CSNK1G3: variants seen among roughly 807,000 people sequenced by gnomAD.
The protein encoded by CSNK1G3 is casein kinase I isoform gamma-3.
In CSNK1G3, 23 loss-of-function variants were observed where a neutral mutation model predicts 64.3. The ratio of observed to expected loss-of-function variants is 0.36; its 90% confidence interval spans 0.26 to 0.51. CSNK1G3 has a LOEUF of 0.51. CSNK1G3 is among the 20% of genes least tolerant of loss of function. The pLI is 0.96. For synonymous variants in CSNK1G3, 158 were observed against 162.2 expected (o/e 0.97, Z 0.20); for missense variants, 357 against 510.5 (o/e 0.70, Z 2.90).
At chr5:123,565,108 A>G (rs1786579640) in intron 4 of CSNK1G3, among the ~76,000 whole-genome samples, 1 of 152,208 alleles carries the variant, frequency 6.6e-6, no homozygotes, top group Non-Finnish European at 1.5e-5. Context: ...ACTTTCCAAA[A>G]CAGAAAAAAT....
At chr5:123,551,017 A>G (rs1783536063) in intron 2 of CSNK1G3, among the ~76,000 whole-genome samples, 3 of 152,224 alleles carry the variant, frequency 2.0e-5, no homozygotes, top group Admixed American at 1.3e-4. Context: ...CAACAAAAAT[A>G]GTACTTTTAG....
At chr5:123,576,381 T>C (rs1297952595) in intron 6 of CSNK1G3, among the ~76,000 whole-genome samples, 1 of 152,164 alleles carries the variant, frequency 6.6e-6, no homozygotes, top group Non-Finnish European at 1.5e-5. Flanking sequence ...ATAAGTATAA[T>C]GCTAACAGCA....
rs571857961 is a variant in CSNK1G3 at position 123,524,391 on chromosome 5, A to G, written c.-248+11821A>G. On this transcript the variant is annotated intron_variant, in intron 1 of 12. Transcript: ENST00000345990. ...TTACATAATTTTACCTTTGCACATG[A>G]TAACTTCATGCCAAAGCGCCTACAG... Among the ~76,000 whole-genome samples, 22 of 152,328 alleles carry G rather than the reference A, an allele frequency of 1.4e-4. No individual in the cohort carries two copies. In the South Asian group the frequency reaches 1.9e-3, roughly 13 times the overall value.
rs574014849 is a variant in CSNK1G3 at position 123,572,476 on chromosome 5, A to T, written c.290-917A>T. On this transcript the variant is annotated intron_variant, in intron 4 of 12. Transcript: ENST00000345990. ...TTAAGATGAAAGACTTTATTATCTC[A>T]CAATTTCTATGGGTCAGGAATACGG... Among the ~76,000 whole-genome samples the T allele has an allele frequency of 2.6e-5, 4 of 152,254 alleles. No homozygotes were observed. The East Asian group carries it at 7.7e-4, about 29-fold the overall frequency.
At chr5:123,602,621 C>G (rs1794694340) in intron 10 of CSNK1G3, among the ~76,000 whole-genome samples, 1 of 152,046 alleles carries the variant, frequency 6.6e-6, no homozygotes, top group Non-Finnish European at 1.5e-5. Flanking sequence ...GCCTGGAAGT[C>G]TGGAAGATGG....
At chr5:123,569,430 C>T (rs996602336) in intron 4 of CSNK1G3, among the ~76,000 whole-genome samples, 7 of 152,182 alleles carry the variant, frequency 4.6e-5, no homozygotes, top group Non-Finnish European at 1.0e-4. Context: ...TTTCTATTCT[C>T]ATACATTAAA....
intron 5 of CSNK1G3, 85 bp downstream of exon 5, chr5:123,573,626 G>A (rs1788541353): frequency 8.1e-7 from 1 of 1,238,770 alleles, no homozygotes; most frequent in Non-Finnish European, 1.1e-6. Context: ...AAAGTTCTGT[G>A]ATATTGTCTT....
At chr5:123,603,512 G>T (rs1794839328) in intron 10 of CSNK1G3, among the ~76,000 whole-genome samples, 1 of 152,054 alleles carries the variant, frequency 6.6e-6, no homozygotes, top group African/African-American at 2.4e-5. Flanking sequence ...TTTAATGGAG[G>T]TAGGGATGGA....
exon 13 of CSNK1G3, chr5:123,615,143 T>A (rs1373212326): frequency 1.3e-5 from 2 of 152,626 alleles, no homozygotes; most frequent in Non-Finnish European, 2.9e-5. Context: ...GCAAAATATT[T>A]GTACAATGTA....
intron 1 of CSNK1G3, among the ~76,000 whole-genome samples, chr5:123,528,442 G>T (rs944239679): frequency 6.6e-6 from 1 of 152,156 alleles, no homozygotes; most frequent in African/African-American, 2.4e-5. Flanking sequence ...ACTGCTATGT[G>T]TTATAGTAGG....
Position 123,573,660 on chromosome 5 carries a change from A to G in CSNK1G3, c.438+119A>G, listed in dbSNP as rs532976730. 5.9e-5 allele frequency: 44 copies of G among 746,216 alleles called. No individual in the cohort carries two copies. In the East Asian group the frequency reaches 1.3e-3, roughly 22 times the overall value. The allele number at this position is 746,216 out of a possible 1,614,324, so 46.2% of individuals were successfully genotyped here. On this transcript the variant is annotated intron_variant, in intron 5 of 12. Transcript: ENST00000345990. The stretch of plus-strand genomic sequence containing the variant: ...TTACAGAGCGTTTGACGTAATACAA[A>G]TGTTTCTACTTTTCATGTTGTCTTT...
intron 12 of CSNK1G3, among the ~76,000 whole-genome samples, chr5:123,606,037 A>C (rs1262621552): frequency 6.6e-6 from 1 of 152,132 alleles, no homozygotes; most frequent in East Asian, 1.9e-4. Flanking sequence ...GAGTGAATAA[A>C]GGAAGTTGCT....
rs1003214688 is a variant in CSNK1G3 at position 123,564,141 on chromosome 5, T to G, written c.289+6577T>G. Among the ~76,000 whole-genome samples, 3 of 152,052 alleles carry G rather than the reference T, an allele frequency of 2.0e-5. No individual in the cohort carries two copies. In the South Asian group the frequency reaches 6.2e-4, roughly 31 times the overall value. On this transcript the variant is annotated intron_variant, in intron 4 of 12. Coordinates refer to ENST00000345990, the Ensembl canonical transcript of CSNK1G3. ...ACTTACATTGTTACTACTATCATAGTAGATGGAAGTATACAATTTTTTTCT... is the reference window on the plus strand; with the variant it reads ...ACTTACATTGTTACTACTATCATAGGAGATGGAAGTATACAATTTTTTTCT...
chr5:123,543,378 C>G (rs1187263748), intron 1 of CSNK1G3, among the ~76,000 whole-genome samples: 1 of 152,080 alleles, frequency 6.6e-6, no homozygotes, highest in African/African-American at 2.4e-5. Context: ...TTTAGAGTCT[C>G]TCAGTTCTGT....
intron 10 of CSNK1G3, among the ~76,000 whole-genome samples, chr5:123,604,089 G>A (rs1010085514): frequency 1.3e-5 from 2 of 152,032 alleles, no homozygotes; most frequent in African/African-American, 4.8e-5. Context: ...GCTTGGACTG[G>A]AGTCCTTGTA....
chr5:123,607,393 A>C (rs2151191631), intron 12 of CSNK1G3, among the ~76,000 whole-genome samples: 1 of 152,300 alleles, frequency 6.6e-6, no homozygotes, highest in African/African-American at 2.4e-5. Context: ...CTAATAAATC[A>C]TTACTAAATA....
chr5:123,575,283 T>G (rs920177455), intron 5 of CSNK1G3, among the ~76,000 whole-genome samples: 1 of 152,258 alleles, frequency 6.6e-6, no homozygotes, highest in Admixed American at 6.5e-5. Context: ...GCTGTTGTTT[T>G]TACTTAATAG....
intron 6 of CSNK1G3, among the ~76,000 whole-genome samples, chr5:123,584,103 T>C (rs1232250622): frequency 1.3e-5 from 2 of 152,228 alleles, no homozygotes; most frequent in Admixed American, 1.3e-4. Context: ...TATACAATCC[T>C]GTTGTCTGCA....
intron 4 of CSNK1G3, among the ~76,000 whole-genome samples, chr5:123,564,653 T>C (rs1245887120): frequency 6.6e-6 from 1 of 152,164 alleles, no homozygotes; most frequent in Non-Finnish European, 1.5e-5. Flanking sequence ...GTAGGTGATG[T>C]TATTTTTTTA....
Sources: allele counts gnomAD v4.1 joint callset (sites outside exome capture counted in the v4.1 genomes callset), GRCh38; gene constraint gnomAD v4.1.1; transcripts MANE v1.5; gene names NCBI Gene and HGNC (gene_info 2026-07-23, HGNC 2026-07-21).